SLC2A7: variants seen among roughly 807,000 people sequenced by gnomAD.
SLC2A7 encodes the protein solute carrier family 2, facilitated glucose transporter member 7.
A neutral mutation model predicts 50.5 loss-of-function variants in SLC2A7; 50 were observed. That is an observed-to-expected ratio of 0.99 (90% CI 0.79 to 1.25). The LOEUF is 1.25. SLC2A7 is among the 50% of genes most tolerant of loss of function. The pLI is 0.00. For synonymous variants in SLC2A7, 308 were observed against 300.4 expected (o/e 1.03, Z -0.26); for missense variants, 683 against 679.1 (o/e 1.01, Z -0.06).
At chr1:8,993,020 T>C in the SLC2A7 span, among the ~76,000 whole-genome samples, 1 of 152,214 alleles carries the variant, frequency 6.6e-6, no homozygotes, top group African/African-American at 2.4e-5. Context: ...AGGATGCTGC[T>C]GATAAAGACA....
intron 9 of SLC2A7, 24 bp from the exon 10 acceptor site, chr1:9,007,409 T>G (rs781656141): frequency 6.2e-7 from 1 of 1,612,990 alleles, no homozygotes; most frequent in South Asian, 1.1e-5. Context: ...CAGGGCTGTC[T>G]GGGCTGAGGC....
At chr1:8,998,804 A>G (rs192544578), downstream of SLC2A7, among the ~76,000 whole-genome samples, 484 of 152,284 alleles carry the variant, frequency 3.2e-3, 12 homozygotes, top group Admixed American at 0.03. Flanking sequence ...TGGTTAAGAT[A>G]TATTATTATC....
rs184110770 is a variant in SLC2A7, at chr1:9,022,905, A to G, written c.311+13T>C. 2.2e-5 allele frequency: 36 copies of G among 1,613,574 alleles called. No individual in the cohort carries two copies. In the African/African-American group the frequency reaches 4.5e-4, roughly 20 times the overall value. ...CATGAATTTTAAGTGGGAGCAGTGC[A>G]CCTTCTGTTTACCTGCCGCAGCTAT... On this transcript the variant is annotated intron_variant, in intron 3 of 11. Transcript: ENST00000400906.
intron 2 of SLC2A7, among the ~76,000 whole-genome samples, chr1:9,023,835 CTTCTTTTTTTTTTTTTTTTTTTTTT>C (rs1640953755): frequency 4.5e-5 from 3 of 65,998 alleles, no homozygotes; most frequent in South Asian, 6.7e-4. Flanking sequence ...AAATATTCTT[CTTCTTTTTTTTTTTTTTTTTTTTTT>C]TTTTTTTTTT....
At chr1:9,011,424 C>A (rs781688402) in intron 8 of SLC2A7, among the ~76,000 whole-genome samples, 1 of 152,180 alleles carries the variant, frequency 6.6e-6, no homozygotes, top group Non-Finnish European at 1.5e-5. Flanking sequence ...GAGGCCGAGA[C>A]AGGAGGATTG....
At position 9,026,416 on chromosome 1, in the gene SLC2A7, G is replaced by C; in HGVS notation, c.-71C>G. On this transcript the variant is annotated 5_prime_UTR_variant, in exon 1 of 12. Transcript: ENST00000400906. ...ACCTGCTCTGCGCCAGCCACCTAAA[G>C]ACCGGCTGTTTCTCCCCTGGGCCTA... 1 of 1,462,982 alleles carries C rather than the reference G, an allele frequency of 6.8e-7. No individual in the cohort carries two copies. The allele number at this position is 1,462,982 out of a possible 1,614,324, so 90.6% of individuals were successfully genotyped here.
At position 9,015,174 on chromosome 1, in the gene SLC2A7, G is replaced by A. The variant is rs770105234; in HGVS notation, c.658C>T (p.Pro220Ser). 3.1e-6 allele frequency: 5 copies of A among 1,612,800 alleles called. No homozygotes were observed. The highest frequency in any genetic ancestry group is 2.5e-6 in the Non-Finnish European group (3 of 1,179,690). ...ATCAGGGAGTAGCGGGGGCTTTCGG[G>A]GAAGAAGGGCAGGGTCAGCAGCTGC... The part of the protein sequence containing the change: ...LLQLLTLPFF[P>S]ESPRYSLIQK... Residue 220 changes from proline (P) to serine (S), a missense_variant, in exon 6 of 12, where the codon CCC (proline) becomes TCC (serine). Pro to Ser is a moderately conservative substitution (Grantham distance 74). Transcript: ENST00000400906.
chr1:9,005,576 C>T (rs1025296927), intron 10 of SLC2A7, among the ~76,000 whole-genome samples: 24 of 152,022 alleles, frequency 1.6e-4, no homozygotes, highest in Non-Finnish European at 3.5e-4. Context: ...AAGGTCCGGT[C>T]TCACAGATCA....
At chr1:9,007,441 G>C in intron 9 of SLC2A7, 56 bp from the exon 10 acceptor site, 12 of 1,567,296 alleles carry the variant, frequency 7.7e-6, no homozygotes, top group African/African-American at 1.4e-5. Context: ...CGTGCGGGGG[G>C]GTCCACCTGC....
chr1:9,010,071 G>A, intron 9 of SLC2A7, 72 bp downstream of exon 9: 1 of 1,416,572 alleles, frequency 7.1e-7, no homozygotes, highest in Non-Finnish European at 9.7e-7. Flanking sequence ...GGTGCAGCGG[G>A]CCCGGTTCAG....
At chr1:9,007,259 C>T in intron 10 of SLC2A7, 51 bp downstream of exon 10, 2 of 1,596,126 alleles carry the variant, frequency 1.3e-6, no homozygotes, top group Non-Finnish European at 1.7e-6. Context: ...GTGTGTCAGG[C>T]CCAGGAATGG....
chr1:9,020,601 G>T (rs1640897867), intron 3 of SLC2A7, among the ~76,000 whole-genome samples: 1 of 142,284 alleles, frequency 7.0e-6, no homozygotes, highest in Admixed American at 7.4e-5. Context: ...GGAGAAGAAT[G>T]GGCAGTGGAC....
intron 1 of SLC2A7, among the ~76,000 whole-genome samples, chr1:9,025,404 AG>A (rs1282105288): frequency 6.6e-6 from 1 of 152,198 alleles, no homozygotes; most frequent in Non-Finnish European, 1.5e-5. Flanking sequence ...CTTTCTAGTG[AG>A]GGGAGCCCAC....
chr1:9,004,311 T>G (rs1640619195), intron 11 of SLC2A7, among the ~76,000 whole-genome samples: 1 of 133,972 alleles, frequency 7.5e-6, no homozygotes, highest in South Asian at 2.3e-4. Flanking sequence ...CCAGCCTGGG[T>G]GACAGAGCAA....
chr1:9,018,946 C>T (rs1640871593), intron 4 of SLC2A7, among the ~76,000 whole-genome samples: 1 of 152,110 alleles, frequency 6.6e-6, no homozygotes, highest in South Asian at 2.1e-4. Flanking sequence ...CTTTGGGAGG[C>T]CGAGACAGGA....
At chr1:9,004,684 C>T (rs368931312) in intron 11 of SLC2A7, 68 bp downstream of exon 11, 25 of 1,576,008 alleles carry the variant, frequency 1.6e-5, no homozygotes, top group East Asian at 1.6e-4. Flanking sequence ...ATGTGCTTAG[C>T]GGAAGGGGAA....
At chr1:9,005,132 G>C (rs1258294529) in intron 10 of SLC2A7, among the ~76,000 whole-genome samples, 1 of 152,230 alleles carries the variant, frequency 6.6e-6, no homozygotes, top group East Asian at 1.9e-4. Flanking sequence ...CAAGGCCAAT[G>C]ACGCTCCATG....
intron 9 of SLC2A7, 136 bp downstream of exon 9, chr1:9,010,007 A>C: frequency 1.4e-6 from 1 of 726,770 alleles, no homozygotes; most frequent in South Asian, 1.7e-5. Flanking sequence ...GGCATTGCAA[A>C]GTACTTTTCC....
Position 9,003,194 on chromosome 1 carries a change from C to G in SLC2A7, c.*106G>C, listed in dbSNP as rs763158393. On this transcript the variant is annotated 3_prime_UTR_variant, in exon 12 of 12. Coordinates refer to ENST00000400906, the MANE Select transcript of SLC2A7 (RefSeq NM_207420.3). ...CCATAATTAAGTTAAATGGGGGCAA[C>G]GACAAAAGCCTCCGTGCTATTATCC... is the stretch of plus-strand genomic sequence containing the variant. 10 of 968,188 alleles carry G rather than the reference C, an allele frequency of 1.0e-5. 1 individual carries two copies. In the Admixed American group the frequency reaches 1.4e-4, roughly 13 times the overall value. 60.0% of individuals were successfully genotyped at this position (968,188 alleles called of 1,614,324 possible). A position where few individuals can be genotyped will look rare whatever the true frequency, so the allele number is the denominator to read the frequency against.
Sources: allele counts gnomAD v4.1 joint callset (sites outside exome capture counted in the v4.1 genomes callset), GRCh38; gene constraint gnomAD v4.1.1; transcripts MANE v1.5; gene names NCBI Gene and HGNC (gene_info 2026-07-23, HGNC 2026-07-21).